The following TASP1 variants were observed in gnomAD, a reference collection of about 807,000 sequenced individuals.
TASP1 encodes the protein threonine aspartase 1.
In TASP1, 16 loss-of-function variants were observed where a neutral mutation model predicts 56.6. That is an observed-to-expected ratio of 0.28 (90% CI 0.19 to 0.43). TASP1 has a LOEUF of 0.43. Ranked by LOEUF, TASP1 falls within the 20% of genes least tolerant of loss-of-function variation. The pLI, the probability that TASP1 is intolerant of heterozygous loss-of-function variation, is 1.00. For missense variants in TASP1, 393 were observed against 511.6 expected (o/e 0.77, Z 2.24); for synonymous variants, 179 against 184.2 (o/e 0.97, Z 0.23).
the TASP1 span, chr20:13,117,784 T>A: frequency 6.9e-7 from 1 of 1,448,312 alleles, no homozygotes; most frequent in Non-Finnish European, 9.4e-7. Flanking sequence ...ATGCCGTGTG[T>A]AGGGCTTCTC....
the TASP1 span, among the ~76,000 whole-genome samples, chr20:13,191,402 T>G: frequency 6.6e-6 from 1 of 152,170 alleles, no homozygotes; most frequent in Non-Finnish European, 1.5e-5. Context: ...AGAATAGTAT[T>G]CATCTATTAA....
intron 12 of TASP1, among the ~76,000 whole-genome samples, chr20:13,428,974 C>T (rs2042709043): frequency 6.6e-6 from 1 of 152,164 alleles, no homozygotes; most frequent in Non-Finnish European, 1.5e-5. Flanking sequence ...GGCTTCTGCC[C>T]TCAAATAGTT....
the TASP1 span, among the ~76,000 whole-genome samples, chr20:13,202,134 A>G: frequency 1.3e-5 from 2 of 152,146 alleles, no homozygotes; most frequent in Non-Finnish European, 2.9e-5. Flanking sequence ...ATGTGATGAT[A>G]AATATTTAGC....
intron 4 of TASP1, among the ~76,000 whole-genome samples, chr20:13,610,728 G>T (rs1297795010): frequency 6.6e-6 from 1 of 151,868 alleles, no homozygotes. Flanking sequence ...TAAAATTCCA[G>T]ACTCTCATCC....
chr20:13,561,058 C>T (rs2046328895), intron 7 of TASP1, among the ~76,000 whole-genome samples: 1 of 152,136 alleles, frequency 6.6e-6, no homozygotes, highest in Non-Finnish European at 1.5e-5. Context: ...TTGATATATT[C>T]AAAGTGCTGA....
chr20:13,359,934 C>G, the TASP1 span, among the ~76,000 whole-genome samples: 1 of 151,996 alleles, frequency 6.6e-6, no homozygotes, highest in Non-Finnish European at 1.5e-5. Context: ...ATCACCCTTA[C>G]CCCACTCAAT....
intron 11 of TASP1, among the ~76,000 whole-genome samples, chr20:13,471,603 A>G (rs1233068427): frequency 6.6e-6 from 1 of 152,048 alleles, no homozygotes; most frequent in Non-Finnish European, 1.5e-5. Flanking sequence ...CTATTTCTCT[A>G]ATTGCCACTG....
chr20:13,614,174 T>C (rs2048444255), intron 4 of TASP1, among the ~76,000 whole-genome samples: 1 of 152,176 alleles, frequency 6.6e-6, no homozygotes, highest in African/African-American at 2.4e-5. Context: ...TAAAGTAATA[T>C]TTTAGCTATC....
chr20:13,128,253 A>T, the TASP1 span, among the ~76,000 whole-genome samples: 8 of 152,246 alleles, frequency 5.3e-5, no homozygotes, highest in African/African-American at 1.9e-4. Context: ...TGTAGGAAGC[A>T]TCCTTATGAC....
chr20:13,117,431 T>C, the TASP1 span: 1 of 1,347,602 alleles, frequency 7.4e-7, no homozygotes, highest in South Asian at 1.4e-5. Flanking sequence ...CTGTCTAGGA[T>C]GTATTGATGG....
the TASP1 span, among the ~76,000 whole-genome samples, chr20:13,306,564 C>CAAAAAAAAAAAAAAAAAAAAAGA: frequency 1.7e-4 from 11 of 63,910 alleles, no homozygotes; most frequent in Middle Eastern, 0.019. Context: ...GGAGAAAGGA[C>CAAAAAAAAAAAAAAAAAAAAAGA]AAAAAAAAAA....
At chr20:13,247,501 TG>T in the TASP1 span, among the ~76,000 whole-genome samples, 5 of 149,468 alleles carry the variant, frequency 3.3e-5, no homozygotes, top group Non-Finnish European at 7.4e-5. Context: ...ACAGCATTTC[TG>T]GCAGCAAAGT....
the TASP1 span, among the ~76,000 whole-genome samples, chr20:13,350,435 C>G: frequency 6.6e-6 from 1 of 151,406 alleles, no homozygotes; most frequent in African/African-American, 2.4e-5. Context: ...TTAAAAGAGG[C>G]GAAAAATGTT....
At chr20:13,560,536 A>G (rs2046311413) in intron 7 of TASP1, among the ~76,000 whole-genome samples, 1 of 152,172 alleles carries the variant, frequency 6.6e-6, no homozygotes, top group South Asian at 2.1e-4. Context: ...AACTGAGTCC[A>G]TTACTCCCTC....
the TASP1 span, among the ~76,000 whole-genome samples, chr20:13,318,495 T>G: frequency 4.6e-5 from 7 of 152,294 alleles, no homozygotes; most frequent in East Asian, 1.4e-3. Context: ...CCAAAAAACT[T>G]GAAAAATTGT....
the TASP1 span, among the ~76,000 whole-genome samples, chr20:13,120,849 T>C: frequency 6.6e-6 from 1 of 152,322 alleles, no homozygotes; most frequent in East Asian, 1.9e-4. Context: ...TAACAGTCTG[T>C]CCAGAGCCAG....
chr20:13,331,058 T>C, the TASP1 span, among the ~76,000 whole-genome samples: 1 of 152,188 alleles, frequency 6.6e-6, no homozygotes, highest in South Asian at 2.1e-4. Flanking sequence ...TCAGTTTGTT[T>C]TGCTCTTTTT....
the TASP1 span, among the ~76,000 whole-genome samples, chr20:13,183,883 G>T: frequency 6.6e-6 from 1 of 151,876 alleles, no homozygotes; most frequent in Non-Finnish European, 1.5e-5. Context: ...CAAAAAATTA[G>T]CCGGGCATGG....
chr20:13,631,952 C>G (rs573456150), intron 1 of TASP1, among the ~76,000 whole-genome samples: 1 of 151,630 alleles, frequency 6.6e-6, no homozygotes, highest in African/African-American at 2.4e-5. Context: ...ACTTGGGAGG[C>G]TGAGGCAGAG....
Sources: allele counts gnomAD v4.1 joint callset (sites outside exome capture counted in the v4.1 genomes callset), GRCh38; gene constraint gnomAD v4.1.1; transcripts MANE v1.5; gene names NCBI Gene and HGNC (gene_info 2026-07-23, HGNC 2026-07-21).